Variants in RANBP2 observed in about 807,000 individuals in gnomAD.
RANBP2 encodes the protein E3 SUMO-protein ligase RanBP2.
RANBP2 carries 57 observed loss-of-function variants against 303.6 expected under a neutral mutation model. That is an observed-to-expected ratio of 0.19 (90% CI 0.15 to 0.23). The LOEUF is 0.23. Ranked by LOEUF, RANBP2 falls within the 10% of genes least tolerant of loss-of-function variation. The pLI is 1.00. For synonymous variants in RANBP2, 1,167 were observed against 1,301.5 expected (o/e 0.90, Z 2.23); for missense variants, 3,138 against 3,780.8 (o/e 0.83, Z 4.46).
At chr2:108,741,367 T>C (rs1696072540) in intron 7 of RANBP2, among the ~76,000 whole-genome samples, 1 of 151,292 alleles carries the variant, frequency 6.6e-6, no homozygotes, top group Non-Finnish European at 1.5e-5. Flanking sequence ...CAGCTAATTT[T>C]TTGTATTTTT....
chr2:109,650,960 C>G, the RANBP2 span, among the ~76,000 whole-genome samples: 21 of 152,220 alleles, frequency 1.4e-4, no homozygotes, highest in African/African-American at 5.1e-4. Context: ...TCTTGAGGGA[C>G]AGTCCCCAGT....
At chr2:109,009,715 T>TTC in the RANBP2 span, among the ~76,000 whole-genome samples, 1 of 150,138 alleles carries the variant, frequency 6.7e-6, no homozygotes, top group East Asian at 2.0e-4. Flanking sequence ...TTTTTTGTTT[T>TTC]TTTTTTTTTT....
intron 7 of RANBP2, among the ~76,000 whole-genome samples, chr2:108,743,872 A>G (rs1006466312): frequency 3.3e-5 from 5 of 152,236 alleles, no homozygotes; most frequent in Non-Finnish European, 7.3e-5. Flanking sequence ...TAGAATGAAT[A>G]TATAATAGAA....
At chr2:109,274,639 A>G in the RANBP2 span, among the ~76,000 whole-genome samples, 7 of 152,248 alleles carry the variant, frequency 4.6e-5, no homozygotes, top group Admixed American at 3.3e-4. Flanking sequence ...AGAGGCGGCA[A>G]TGGAGCAGAA....
the RANBP2 span, among the ~76,000 whole-genome samples, chr2:108,879,722 A>T: frequency 6.6e-6 from 1 of 152,124 alleles, no homozygotes; most frequent in African/African-American, 2.4e-5. Flanking sequence ...GGGGTTAGGG[A>T]GATCTGAGTG....
At chr2:109,311,398 C>A in the RANBP2 span, among the ~76,000 whole-genome samples, 1 of 137,128 alleles carries the variant, frequency 7.3e-6, no homozygotes, top group Non-Finnish European at 1.5e-5. Flanking sequence ...ACTGAATGGG[C>A]AAAAACTGGA....
chr2:109,493,443 G>A, the RANBP2 span, among the ~76,000 whole-genome samples: 3 of 148,302 alleles, frequency 2.0e-5, no homozygotes, highest in African/African-American at 7.5e-5. Flanking sequence ...ACACACATGT[G>A]CAAACACACT....
the RANBP2 span, among the ~76,000 whole-genome samples, chr2:109,694,947 A>G: frequency 2.0e-5 from 3 of 151,388 alleles, no homozygotes; most frequent in South Asian, 6.3e-4. Flanking sequence ...CTCTTTTGTT[A>G]TTGTCATATG....
chr2:108,783,499 T>C, intron 28 of RANBP2, 97 bp from the exon 29 acceptor site: 1 of 828,442 alleles, frequency 1.2e-6, no homozygotes, highest in Non-Finnish European at 1.9e-6. Flanking sequence ...GGATTTAACA[T>C]GTAGTGATGA....
At chr2:109,179,689 A>G in the RANBP2 span, among the ~76,000 whole-genome samples, 1 of 152,160 alleles carries the variant, frequency 6.6e-6, no homozygotes, top group Admixed American at 6.5e-5. Context: ...TAAAGCCACA[A>G]GTCCCATCAT....
At chr2:109,218,734 T>C in the RANBP2 span, among the ~76,000 whole-genome samples, 1 of 152,198 alleles carries the variant, frequency 6.6e-6, no homozygotes, top group African/African-American at 2.4e-5. Context: ...CTTTGTTCTC[T>C]AAGTGAAAAC....
chr2:109,619,477 G>C, the RANBP2 span, among the ~76,000 whole-genome samples: 2 of 152,174 alleles, frequency 1.3e-5, no homozygotes, highest in Non-Finnish European at 2.9e-5. Context: ...CCTCATCAAG[G>C]CTTCCTGTGA....
the RANBP2 span, among the ~76,000 whole-genome samples, chr2:109,056,443 A>G: frequency 6.6e-6 from 1 of 152,138 alleles, no homozygotes; most frequent in Non-Finnish European, 1.5e-5. Context: ...TGCTGGGATT[A>G]CAGGCATGAA....
the RANBP2 span, among the ~76,000 whole-genome samples, chr2:109,036,896 C>T: frequency 6.6e-6 from 1 of 152,300 alleles, no homozygotes; most frequent in South Asian, 2.1e-4. Context: ...GTAATCCCAA[C>T]ACTTTGGGAG....
chr2:109,245,190 C>T, the RANBP2 span, among the ~76,000 whole-genome samples: 1 of 152,274 alleles, frequency 6.6e-6, no homozygotes, highest in Admixed American at 6.5e-5. Flanking sequence ...GGCTTCTGTG[C>T]TCCTGGTGAA....
the RANBP2 span, among the ~76,000 whole-genome samples, chr2:109,521,938 C>T: frequency 1.3e-5 from 2 of 152,154 alleles, no homozygotes; most frequent in African/African-American, 4.8e-5. Context: ...TCGCAGCTGC[C>T]GCCCTGCCCG....
intron 7 of RANBP2, among the ~76,000 whole-genome samples, chr2:108,744,259 C>G (rs1696335141): frequency 6.6e-6 from 1 of 152,106 alleles, no homozygotes; most frequent in Admixed American, 6.5e-5. Flanking sequence ...CAAAAATTAG[C>G]CACGCATGGT....
the RANBP2 span, among the ~76,000 whole-genome samples, chr2:109,114,364 G>A: frequency 3.3e-5 from 5 of 152,102 alleles, no homozygotes; most frequent in African/African-American, 1.2e-4. Context: ...GTCTTGGGAG[G>A]GTGTATGTGT....
chr2:108,979,574 G>A, the RANBP2 span, among the ~76,000 whole-genome samples: 5 of 152,224 alleles, frequency 3.3e-5, no homozygotes, highest in Admixed American at 2.6e-4. Context: ...GTCAGGTGGC[G>A]GCTGGGGACT....
Sources: allele counts gnomAD v4.1 joint callset (sites outside exome capture counted in the v4.1 genomes callset), GRCh38; gene constraint gnomAD v4.1.1; transcripts MANE v1.5; gene names NCBI Gene and HGNC (gene_info 2026-07-23, HGNC 2026-07-21).